Variants in CMSS1 observed in about 807,000 individuals in gnomAD.
CMSS1 encodes protein CMSS1.
In CMSS1, 33 loss-of-function variants were observed where a neutral mutation model predicts 43.5. That is an observed-to-expected ratio of 0.76 (90% CI 0.57 to 1.01). The LOEUF is 1.01. Ranked by LOEUF, CMSS1 falls within the 50% of genes least tolerant of loss-of-function variation. The pLI is 0.00. For missense variants in CMSS1, 313 were observed against 326.4 expected (o/e 0.96, Z 0.32); for synonymous variants, 115 against 117.2 (o/e 0.98, Z 0.12).
intron 1 of CMSS1, among the ~76,000 whole-genome samples, chr3:100,145,768 T>C (rs2107512044): frequency 6.6e-6 from 1 of 152,388 alleles, no homozygotes; most frequent in African/African-American, 2.4e-5. Flanking sequence ...TACTCAAGGA[T>C]AGGTCAGTGC....
intron 1 of CMSS1, among the ~76,000 whole-genome samples, chr3:99,855,523 A>T (rs182162703): frequency 7.7e-4 from 117 of 152,330 alleles, no homozygotes; most frequent in African/African-American, 2.6e-3. Context: ...TAGCTGTGAA[A>T]ATTGAGGCTC....
chr3:99,962,710 A>G (rs1045953522), intron 1 of CMSS1, among the ~76,000 whole-genome samples: 1 of 152,224 alleles, frequency 6.6e-6, no homozygotes, highest in African/African-American at 2.4e-5. Context: ...CATTAACTCT[A>G]TGAGGTAGGT....
chr3:99,983,689 CAA>C (rs533900254), intron 1 of CMSS1, among the ~76,000 whole-genome samples: 12 of 89,902 alleles, frequency 1.3e-4, no homozygotes, highest in East Asian at 9.3e-4. Context: ...GACTCAGTCT[CAA>C]AAAAAAAAAA....
At chr3:99,850,704 T>C (rs761214824) in intron 1 of CMSS1, 5 of 1,614,082 alleles carry the variant, frequency 3.1e-6, no homozygotes, top group Non-Finnish European at 4.2e-6. Context: ...CCAGCTTTTG[T>C]TGAAGCTGGC....
intron 1 of CMSS1, among the ~76,000 whole-genome samples, chr3:99,902,477 G>C (rs1024454431): frequency 1.1e-4 from 16 of 152,124 alleles, no homozygotes; most frequent in African/African-American, 3.6e-4. Flanking sequence ...TCTATGGCAT[G>C]GTAATAGGAA....
intron 1 of CMSS1, among the ~76,000 whole-genome samples, chr3:99,838,233 ATCCCAGGTCAGTCT>A (rs1409017960): frequency 6.6e-6 from 1 of 152,170 alleles, no homozygotes; most frequent in Non-Finnish European, 1.5e-5. Flanking sequence ...CACATCTCCT[ATCCCAGGTCAGTCT>A]TCCCCGTGCC....
chr3:100,044,192 T>C (rs2065246057), intron 1 of CMSS1, among the ~76,000 whole-genome samples: 1 of 152,232 alleles, frequency 6.6e-6, no homozygotes. Context: ...TTTATTCATT[T>C]AACAAATTTT....
chr3:100,093,682 T>G (rs1046481210), intron 1 of CMSS1, among the ~76,000 whole-genome samples: 6 of 152,192 alleles, frequency 3.9e-5, no homozygotes, highest in Non-Finnish European at 7.4e-5. Context: ...GTTCACCTTT[T>G]ATAGCCACAA....
chr3:99,873,609 C>G (rs992398048), intron 1 of CMSS1, among the ~76,000 whole-genome samples: 1 of 152,142 alleles, frequency 6.6e-6, no homozygotes, highest in Non-Finnish European at 1.5e-5. Context: ...ATTCTTCCTC[C>G]TACATTTTCA....
chr3:100,167,672 C>T lies in CMSS1; in HGVS notation c.416-66C>T, dbSNP rs2067076174. ...TTAAATACTCAACAAAGAAGAAATG[C>T]TCAACTTGGGAGGTGTGCCCTGTTT... On this transcript the variant is annotated intron_variant, in intron 5 of 9. Transcript: ENST00000421999. 5 of 926,950 alleles carry T rather than the reference C, an allele frequency of 5.4e-6. No individual in the cohort carries two copies. The Admixed American group carries it at 8.9e-5, about 16-fold the overall frequency. 57.4% of individuals were successfully genotyped at this position (926,950 alleles called of 1,614,324 possible). A position where few individuals can be genotyped will look rare whatever the true frequency, so the allele number is the denominator to read the frequency against.
chr3:100,057,003 CA>C (rs551968595), intron 1 of CMSS1, among the ~76,000 whole-genome samples: 2,468 of 147,028 alleles, frequency 0.017, 38 homozygotes, highest in Non-Finnish European at 0.026. Flanking sequence ...GACTCTGTCT[CA>C]AAAAAAAAAG....
chr3:100,153,342 T>C (rs2066938730), intron 2 of CMSS1, among the ~76,000 whole-genome samples: 1 of 152,230 alleles, frequency 6.6e-6, no homozygotes, highest in Non-Finnish European at 1.5e-5. Flanking sequence ...TTCGACACAG[T>C]ATTATTTAGA....
At chr3:99,843,568 C>G (rs1943225776) in intron 1 of CMSS1, among the ~76,000 whole-genome samples, 1 of 152,202 alleles carries the variant, frequency 6.6e-6, no homozygotes, top group Admixed American at 6.5e-5. Context: ...CATAAACCCA[C>G]TGTGAGTTGA....
In CMSS1 at chr3:99,890,877, A is replaced by G. The variant is rs114855445; in HGVS notation, c.64+72834A>G. Among the ~76,000 whole-genome samples the G allele has an allele frequency of 4.5e-3, 688 of 152,192 alleles. 7 individuals carry two copies. The highest frequency in any genetic ancestry group is 0.016 in the African/African-American group (673 of 41,532). ...TCTGTATGCTTTCAGATTTTTTTAT[A>G]TGAAGTCACGTATCTCAGAATTTTA... On this transcript the variant is annotated intron_variant, in intron 1 of 9. Coordinates refer to ENST00000421999, the MANE Select transcript of CMSS1 (RefSeq NM_032359.4).
intron 1 of CMSS1, among the ~76,000 whole-genome samples, chr3:99,945,503 G>T (rs1707982713): frequency 6.6e-6 from 1 of 152,144 alleles, no homozygotes; most frequent in Non-Finnish European, 1.5e-5. Flanking sequence ...GCTAGGAACT[G>T]TAAGTAAATA....
chr3:99,865,089 A>G (rs536642028), intron 1 of CMSS1, among the ~76,000 whole-genome samples: 1 of 152,338 alleles, frequency 6.6e-6, no homozygotes, highest in East Asian at 1.9e-4. Context: ...TAACTAAGCA[A>G]TAGACATATA....
chr3:99,955,330 C>A (rs1236647307), intron 1 of CMSS1, among the ~76,000 whole-genome samples: 1 of 152,070 alleles, frequency 6.6e-6, no homozygotes, highest in Admixed American at 6.5e-5. Context: ...AAACAGAGAC[C>A]TACGGAATAT....
At chr3:99,824,416 C>CT (rs1942498856) in intron 1 of CMSS1, among the ~76,000 whole-genome samples, 1 of 152,200 alleles carries the variant, frequency 6.6e-6, no homozygotes, top group African/African-American at 2.4e-5. Context: ...AAATTAATTA[C>CT]TTTTTCCCAG....
At chr3:100,071,830 C>T (rs2065768522) in intron 1 of CMSS1, among the ~76,000 whole-genome samples, 1 of 152,202 alleles carries the variant, frequency 6.6e-6, no homozygotes, top group Non-Finnish European at 1.5e-5. Context: ...AAGGCTTACA[C>T]TTATTGGGCA....
Sources: gnomAD v4.1 joint callset for allele counts (sites outside exome capture counted in the v4.1 genomes callset) on GRCh38, gnomAD v4.1.1 for gene constraint, MANE v1.5 for transcripts, NCBI Gene and HGNC (gene_info 2026-07-23, HGNC 2026-07-21) for gene names.